Variants in DLGAP1 observed in about 807,000 individuals in gnomAD.
DLGAP1 encodes disks large-associated protein 1.
In DLGAP1, 11 loss-of-function variants were observed where a neutral mutation model predicts 90.8. The ratio of observed to expected loss-of-function variants is 0.12; its 90% CI spans 0.08 to 0.20. DLGAP1 has a LOEUF of 0.20. Ranked by LOEUF, DLGAP1 falls within the 10% of genes least tolerant of loss-of-function variation. The probability of loss-of-function intolerance (pLI) is 1.00; values close to 1 mark genes in which losing one functional copy is unlikely to be tolerated. For missense variants in DLGAP1, 1,050 were observed against 1,333.8 expected (o/e 0.79, Z 3.31); for synonymous variants, 558 against 540.7 (o/e 1.03, Z -0.44).
At chr18:3,662,885 T>C (rs966830103) in intron 7 of DLGAP1, among the ~76,000 whole-genome samples, 2 of 152,236 alleles carry the variant, frequency 1.3e-5, no homozygotes, top group African/African-American at 4.8e-5. Flanking sequence ...AATACCTTTT[T>C]CATATTGAGA....
At chr18:3,979,287 C>A (rs539618256) in intron 3 of DLGAP1, among the ~76,000 whole-genome samples, 1 of 152,198 alleles carries the variant, frequency 6.6e-6, no homozygotes, top group African/African-American at 2.4e-5. Flanking sequence ...TGGTGTTACA[C>A]CTGCCTACAG....
chr18:3,773,586 G>C (rs1334665423), intron 5 of DLGAP1, among the ~76,000 whole-genome samples: 1 of 152,146 alleles, frequency 6.6e-6, no homozygotes, highest in African/African-American at 2.4e-5. Context: ...TGATCCCCTA[G>C]TGCTGAAAAC....
At chr18:4,286,993 G>C (rs572713060) in intron 1 of DLGAP1, among the ~76,000 whole-genome samples, 1 of 152,222 alleles carries the variant, frequency 6.6e-6, no homozygotes, top group Non-Finnish European at 1.5e-5. Context: ...AGAGGTGCCT[G>C]TTAAAAGAGC....
intron 1 of DLGAP1, among the ~76,000 whole-genome samples, chr18:4,366,413 A>G (rs2144155282): frequency 6.6e-6 from 1 of 152,218 alleles, no homozygotes; most frequent in Admixed American, 6.5e-5. Context: ...CTGATGGAAA[A>G]GATAAGAACT....
chr18:3,677,145 A>T (rs1352984764), intron 7 of DLGAP1, among the ~76,000 whole-genome samples: 1 of 152,182 alleles, frequency 6.6e-6, no homozygotes, highest in Non-Finnish European at 1.5e-5. Context: ...AAATTTCCCC[A>T]GCTTCAAGAC....
At chr18:3,596,555 C>CT (rs35616000) in intron 7 of DLGAP1, 2,275 of 191,682 alleles carry the variant, frequency 0.012, 1 homozygote, top group South Asian at 0.03. Context: ...GTTAGGAGAA[C>CT]TTTTTTTTTT....
intron 10 of DLGAP1, among the ~76,000 whole-genome samples, chr18:3,523,081 A>G (rs1203733026): frequency 6.6e-6 from 1 of 152,172 alleles, no homozygotes; most frequent in Non-Finnish European, 1.5e-5. Flanking sequence ...AACACTCAGC[A>G]AAATAAAAAG....
chr18:4,003,704 G>C (rs1024964966), intron 3 of DLGAP1, among the ~76,000 whole-genome samples: 1 of 152,130 alleles, frequency 6.6e-6, no homozygotes, highest in Non-Finnish European at 1.5e-5. Flanking sequence ...GAGGGGCTGG[G>C]AAGGGAGATG....
At chr18:4,273,289 T>C (rs911993413) in intron 1 of DLGAP1, among the ~76,000 whole-genome samples, 3 of 152,164 alleles carry the variant, frequency 2.0e-5, no homozygotes, top group East Asian at 3.9e-4. Context: ...GCACCCTGCC[T>C]CTCCCGCTCT....
Position 4,031,848 on chromosome 18 carries a change from A to G in DLGAP1, c.-158-26647T>C, listed in dbSNP as rs75040901. ...GTGCTTCAATTAAAATGATGATGAT[A>G]AAAATGACAGAGCAACTTTGAAAAA... On this transcript the variant is annotated intron_variant, in intron 2 of 12. Transcript: ENST00000315677. Among the ~76,000 whole-genome samples the G allele has an allele frequency of 3.5e-3, 529 of 152,348 alleles. 4 individuals carry two copies. Among genetic ancestry groups the G allele is most frequent in the African/African-American group, 0.012 (503 of 41,578 alleles).
rs116046522 is a variant in DLGAP1 at position 4,251,138 on chromosome 18, A to G, written c.-266-99851T>C. On this transcript the variant is annotated intron_variant, in intron 1 of 12. Coordinates refer to ENST00000315677, the MANE Select transcript of DLGAP1 (RefSeq NM_004746.4). ...GGGTCTTTAAATCCTCCTGGCCTTC[A>G]GAAAAATACTCTCACATGCATTTGA... Among the ~76,000 whole-genome samples, 602 of 152,332 alleles carry G rather than the reference A, an allele frequency of 4.0e-3. 6 individuals are homozygous for G. Among genetic ancestry groups the G allele is most frequent in the African/African-American group, 0.014 (578 of 41,576 alleles).
At chr18:3,672,925 C>T (rs1373253982) in intron 7 of DLGAP1, among the ~76,000 whole-genome samples, 1 of 152,150 alleles carries the variant, frequency 6.6e-6, no homozygotes, top group Non-Finnish European at 1.5e-5. Context: ...GGGGCAAGTC[C>T]TTATCTCCTC....
chr18:3,845,395 G>T (rs561464806), intron 4 of DLGAP1: 12 of 1,411,404 alleles, frequency 8.5e-6, no homozygotes, highest in African/African-American at 5.7e-5. Context: ...CTTGGGGGTG[G>T]GGGGAGAGTG....
chr18:3,703,557 A>G (rs1276958777), intron 7 of DLGAP1, among the ~76,000 whole-genome samples: 1 of 152,226 alleles, frequency 6.6e-6, no homozygotes, highest in Non-Finnish European at 1.5e-5. Flanking sequence ...GAGGAGAGCG[A>G]GTGGCTGTTG....
chr18:4,174,623 G>A (rs190142998), intron 1 of DLGAP1, among the ~76,000 whole-genome samples: 13 of 152,190 alleles, frequency 8.5e-5, no homozygotes, highest in African/African-American at 7.2e-5. Context: ...ATGAGCCACC[G>A]CACCCAACCT....
chr18:3,953,554 T>G (rs928947075), intron 3 of DLGAP1, among the ~76,000 whole-genome samples: 1 of 131,640 alleles, frequency 7.6e-6, no homozygotes, highest in African/African-American at 2.6e-5. Flanking sequence ...ATCATATATA[T>G]GTACACTACA....
intron 7 of DLGAP1, among the ~76,000 whole-genome samples, chr18:3,714,157 G>T (rs1598431768): frequency 6.6e-6 from 1 of 152,246 alleles, no homozygotes; most frequent in East Asian, 1.9e-4. Flanking sequence ...TAATTCCAGG[G>T]GAGACAGATA....
chr18:3,880,900 A>T (rs1209512163), intron 3 of DLGAP1, among the ~76,000 whole-genome samples: 2 of 144,988 alleles, frequency 1.4e-5, no homozygotes, highest in East Asian at 4.3e-4. Flanking sequence ...CAGAGATGGC[A>T]CCACTGCACT....
At position 3,900,238 on chromosome 18, in the gene DLGAP1, G is replaced by A. The variant is rs538784209; in HGVS notation, c.-72-20098C>T. ...GGGAATCTGATATTGGCAACACAGC[G>A]TGTCTCTCCTGTGAGTTACTGGAAG... On this transcript the variant is annotated intron_variant, in intron 3 of 12. Transcript: ENST00000315677. 3.3e-4 allele frequency among the ~76,000 whole-genome samples: 50 copies of A among 152,238 alleles called. No individual in the cohort carries two copies. In the South Asian group the frequency reaches 1.0e-2, roughly 30 times the overall value.
Sources: allele counts gnomAD v4.1 joint callset (sites outside exome capture counted in the v4.1 genomes callset), GRCh38; gene constraint gnomAD v4.1.1; transcripts MANE v1.5; gene names NCBI Gene and HGNC (gene_info 2026-07-23, HGNC 2026-07-21).